KLHL32: variants seen among roughly 807,000 people sequenced by gnomAD.
The protein encoded by KLHL32 is kelch like family member 32, also known as kelch-like protein 32.
In KLHL32, 35 loss-of-function variants were observed where a neutral mutation model predicts 64.8. The observed-to-expected ratio is 0.54, with a 90% CI of 0.41 to 0.72. KLHL32 has a LOEUF of 0.72. Ranked by LOEUF, KLHL32 falls within the 30% of genes least tolerant of loss-of-function variation. The pLI, the probability that KLHL32 is intolerant of heterozygous loss-of-function variation, is 0.00. For synonymous variants in KLHL32, 259 were observed against 281.0 expected (o/e 0.92, Z 0.78); for missense variants, 589 against 768.5 (o/e 0.77, Z 2.76).
intron 6 of KLHL32, among the ~76,000 whole-genome samples, chr6:97,097,235 G>A (rs564178903): frequency 6.6e-4 from 101 of 152,202 alleles, no homozygotes; most frequent in African/African-American, 2.3e-3. Context: ...GGCCTGGTGC[G>A]GTTTCATCAG....
intron 3 of KLHL32, among the ~76,000 whole-genome samples, chr6:97,027,146 A>C (rs1251085799): frequency 6.9e-6 from 1 of 145,220 alleles, no homozygotes; most frequent in Admixed American, 7.2e-5. Flanking sequence ...TGGGCAACAG[A>C]GGGAGATTCC....
intron 3 of KLHL32, among the ~76,000 whole-genome samples, chr6:97,000,182 T>A (rs1304212803): frequency 6.6e-6 from 1 of 152,080 alleles, no homozygotes; most frequent in Non-Finnish European, 1.5e-5. Flanking sequence ...TGAGGAGGAC[T>A]CAGGAAAATT....
At chr6:96,900,840 G>T in the KLHL32 span, among the ~76,000 whole-genome samples, 1 of 152,208 alleles carries the variant, frequency 6.6e-6, no homozygotes, top group Non-Finnish European at 1.5e-5. Flanking sequence ...TTCTGGCAGA[G>T]GTTCTGGTGT....
At chr6:97,077,686 G>A (rs1396689623) in intron 5 of KLHL32, among the ~76,000 whole-genome samples, 1 of 152,160 alleles carries the variant, frequency 6.6e-6, no homozygotes, top group African/African-American at 2.4e-5. Context: ...AGTTAATTGT[G>A]GGAGAGCTGT....
intron 6 of KLHL32, among the ~76,000 whole-genome samples, chr6:97,100,799 C>CTTTT (rs763909891): frequency 1.8e-4 from 17 of 96,262 alleles, no homozygotes; most frequent in East Asian, 3.1e-4. Flanking sequence ...GCTCATTATT[C>CTTTT]TTTTTTTTTT....
intron 4 of KLHL32, among the ~76,000 whole-genome samples, chr6:97,043,395 A>T (rs956050879): frequency 6.6e-6 from 1 of 152,170 alleles, no homozygotes; most frequent in Non-Finnish European, 1.5e-5. Flanking sequence ...AAATGACAGG[A>T]TTTATCTGCT....
At chr6:97,085,038 C>T (rs1424922863) in intron 5 of KLHL32, 88 bp from the exon 6 acceptor site, 3 of 1,115,190 alleles carry the variant, frequency 2.7e-6, no homozygotes, top group Non-Finnish European at 4.0e-6. Flanking sequence ...TGATGAAAAC[C>T]TTAGTGAGTC....
chr6:97,011,113 G>A (rs192748277), intron 3 of KLHL32, among the ~76,000 whole-genome samples: 2 of 152,242 alleles, frequency 1.3e-5, no homozygotes, highest in Admixed American at 1.3e-4. Flanking sequence ...TGGACATGAG[G>A]GAATTATCAT....
At chr6:96,949,922 TA>T (rs1208731104) in intron 1 of KLHL32, among the ~76,000 whole-genome samples, 1 of 152,112 alleles carries the variant, frequency 6.6e-6, no homozygotes, top group African/African-American at 2.4e-5. Flanking sequence ...TCTTTTTTAA[TA>T]GTAAAATTAT....
chr6:97,096,321 A>AG (rs1373164746), intron 6 of KLHL32, among the ~76,000 whole-genome samples: 1 of 152,192 alleles, frequency 6.6e-6, no homozygotes, highest in African/African-American at 2.4e-5. Flanking sequence ...GATGCATATT[A>AG]ATCTTTGCAG....
At chr6:97,030,851 A>G (rs1173419614) in intron 3 of KLHL32, among the ~76,000 whole-genome samples, 1 of 145,724 alleles carries the variant, frequency 6.9e-6, no homozygotes, top group Non-Finnish European at 1.5e-5. Context: ...TTTGTTTATG[A>G]CACTGTAGGG....
intron 6 of KLHL32, among the ~76,000 whole-genome samples, chr6:97,111,180 T>A (rs1326284069): frequency 6.6e-6 from 1 of 152,178 alleles, no homozygotes; most frequent in Non-Finnish European, 1.5e-5. Flanking sequence ...TAAGCCTCCA[T>A]GAAGGGAAAC....
At chr6:96,910,585 G>GCAAA in the KLHL32 span, among the ~76,000 whole-genome samples, 3 of 152,096 alleles carry the variant, frequency 2.0e-5, no homozygotes, top group Non-Finnish European at 4.4e-5. Context: ...TACTTAATTT[G>GCAAA]CAAACTGTAA....
chr6:97,098,764 C>T (rs1213300892), intron 6 of KLHL32, among the ~76,000 whole-genome samples: 2 of 152,124 alleles, frequency 1.3e-5, no homozygotes, highest in Non-Finnish European at 2.9e-5. Context: ...CAGTACACCA[C>T]AAATGATTAT....
rs557199134 is a variant in KLHL32 at position 97,073,182 on chromosome 6, G to A, written c.411+8456G>A. Among the ~76,000 whole-genome samples the A allele has an allele frequency of 6.7e-4, 102 of 152,236 alleles. No individual in the cohort carries two copies. In the Middle Eastern group the frequency reaches 0.01, roughly 15 times the overall value. On this transcript the variant is annotated intron_variant, in intron 5 of 10. Coordinates refer to ENST00000369261, the MANE Select transcript of KLHL32 (RefSeq NM_052904.4). Reference sequence around the variant, plus strand: ...TCTTCCCTCATTTCTGGAAATGTCAGCAAATTTTCTGCCTACTTCAAATTG... The same window carrying A: ...TCTTCCCTCATTTCTGGAAATGTCAACAAATTTTCTGCCTACTTCAAATTG...
chr6:96,968,690 TC>T (rs1774767237), intron 2 of KLHL32, among the ~76,000 whole-genome samples: 2 of 152,136 alleles, frequency 1.3e-5, no homozygotes, highest in Non-Finnish European at 2.9e-5. Context: ...TCTCAGACTC[TC>T]CCACTGTGCC....
intron 1 of KLHL32, among the ~76,000 whole-genome samples, chr6:96,928,249 G>A (rs540653177): frequency 5.9e-5 from 9 of 152,250 alleles, no homozygotes; most frequent in Admixed American, 5.9e-4. Flanking sequence ...GGCTGGGTAT[G>A]ATTATATTAA....
intron 2 of KLHL32, among the ~76,000 whole-genome samples, 176 bp downstream of exon 2, chr6:96,967,259 C>G (rs7759572): frequency 0.23 from 34,694 of 152,100 alleles, 4,631 homozygotes; most frequent in African/African-American, 0.37. Flanking sequence ...CTGTGACCTA[C>G]TTATTTGTCA....
At chr6:97,064,304 A>G (rs1336345433) in intron 4 of KLHL32, among the ~76,000 whole-genome samples, 1 of 152,244 alleles carries the variant, frequency 6.6e-6, no homozygotes, top group East Asian at 1.9e-4. Context: ...ATTATATCAC[A>G]AACTGAATTT....
Sources: gnomAD v4.1 joint callset for allele counts (sites outside exome capture counted in the v4.1 genomes callset) on GRCh38, gnomAD v4.1.1 for gene constraint, MANE v1.5 for transcripts, NCBI Gene and HGNC (gene_info 2026-07-23, HGNC 2026-07-21) for gene names.